Variants in OTOGL observed in about 807,000 individuals in gnomAD.
The protein encoded by OTOGL is otogelin like.
In OTOGL, 285 loss-of-function variants were observed where a neutral mutation model predicts 318.5. The observed-to-expected ratio is 0.89, with a 90% confidence interval of 0.81 to 0.99. OTOGL has a LOEUF of 0.99. Among genes scored for constraint, OTOGL ranks in the 50% least tolerant of loss-of-function variants. The probability of loss-of-function intolerance (pLI) is 0.00; values close to 1 mark genes in which losing one functional copy is unlikely to be tolerated. For missense variants in OTOGL, 2,899 were observed against 2,845.6 expected, an observed-to-expected ratio of 1.02 and a Z score of -0.43; for synonymous variants, 987 against 936.5, an observed-to-expected ratio of 1.05 and a Z score of -0.99.
At chr12:80,145,688 G>T (rs1455098805) in intron 1 of OTOGL, among the ~76,000 whole-genome samples, 1 of 151,892 alleles carries the variant, frequency 6.6e-6, no homozygotes, top group Non-Finnish European at 1.5e-5. Context: ...TCCTACCCAT[G>T]AGCATGGAAT....
intron 35 of OTOGL, among the ~76,000 whole-genome samples, chr12:80,327,273 A>G (rs912858731): frequency 6.6e-6 from 1 of 152,152 alleles, no homozygotes; most frequent in African/African-American, 2.4e-5. Context: ...GGCCCACAAC[A>G]TGGCCTCTTG....
chr12:80,251,783 T>G lies in OTOGL; in HGVS notation c.1143T>G (p.Asp381Glu). 1 of 1,581,346 alleles carries G rather than the reference T, an allele frequency of 6.3e-7. No individual in the cohort carries two copies. Among genetic ancestry groups the G allele is most frequent in the Non-Finnish European group, 8.6e-7 (1 of 1,162,028 alleles). The part of the protein sequence containing the change: ...HAGYPIQDWR[D>E]DFPACTDKCD... ...GCTACCCTATTCAAGACTGGAGAGA[T>G]GACTTTCCAGCATGCAGTATGTTTT... The change falls in exon 12 of 59, where the codon GAT becomes GAG. Residue 381 changes from aspartate (D) to glutamate (E), a missense_variant. By Grantham distance (45) the Asp-to-Glu change is conservative (BLOSUM62 2). Transcript: ENST00000547103.
At chr12:80,305,006 G>A (rs2137749542) in intron 28 of OTOGL, among the ~76,000 whole-genome samples, 1 of 152,244 alleles carries the variant, frequency 6.6e-6, no homozygotes, top group South Asian at 2.1e-4. Context: ...TTCAGACAGA[G>A]GCCACTACTA....
intron 44 of OTOGL, among the ~76,000 whole-genome samples, chr12:80,343,944 A>G (rs919459911): frequency 1.3e-5 from 2 of 152,170 alleles, no homozygotes; most frequent in African/African-American, 2.4e-5. Context: ...TGCAACATCT[A>G]TGAAGGGAAG....
chr12:80,162,355 G>A lies in OTOGL; in HGVS notation c.-19-47058G>A, dbSNP rs572494410. On this transcript the variant is annotated intron_variant, in intron 1 of 58. Coordinates refer to ENST00000547103, the MANE Select transcript of OTOGL (RefSeq NM_001378609.3). ...TTATAGGCAAATGCAGTTTTCAAAT[G>A]TACAACTAGTTCCTTTTTATTAAGT... Among the ~76,000 whole-genome samples the A allele has an allele frequency of 3.3e-5, 5 of 152,240 alleles. No homozygotes were observed. In the South Asian group the frequency reaches 1.0e-3, roughly 32 times the overall value.
At chr12:80,268,645 C>T (rs954518642) in intron 22 of OTOGL, among the ~76,000 whole-genome samples, 8 of 152,086 alleles carry the variant, frequency 5.3e-5, no homozygotes, top group African/African-American at 7.2e-5. Flanking sequence ...GAATCATTTT[C>T]GACTCTTTCC....
At chr12:80,376,557 A>G (rs1043554465) in intron 57 of OTOGL, among the ~76,000 whole-genome samples, 9 of 152,192 alleles carry the variant, frequency 5.9e-5, no homozygotes, top group African/African-American at 1.9e-4. Context: ...ATTTGAAATT[A>G]TAAAAGACCA....
intron 23 of OTOGL, among the ~76,000 whole-genome samples, chr12:80,271,157 G>T (rs1267530273): frequency 6.6e-6 from 1 of 152,058 alleles, no homozygotes; most frequent in Non-Finnish European, 1.5e-5. Context: ...AAGCCCAGGT[G>T]GCTAGCCTTC....
intron 1 of OTOGL, among the ~76,000 whole-genome samples, chr12:80,198,182 G>T (rs1458415861): frequency 6.6e-6 from 1 of 152,154 alleles, no homozygotes; most frequent in Non-Finnish European, 1.5e-5. Flanking sequence ...TGGAGTAGAA[G>T]CTTTTTCAGA....
intron 19 of OTOGL, among the ~76,000 whole-genome samples, chr12:80,264,145 A>G (rs1343575660): frequency 1.3e-5 from 2 of 152,152 alleles, no homozygotes; most frequent in African/African-American, 4.8e-5. Flanking sequence ...AAGATTGATT[A>G]ATTTTATCTG....
At position 80,186,741 on chromosome 12, in the gene OTOGL, C is replaced by G. The variant is rs190990291; in HGVS notation, c.-19-22672C>G. On this transcript the variant is annotated intron_variant, in intron 1 of 58. Coordinates refer to ENST00000547103, the MANE Select transcript of OTOGL (RefSeq NM_001378609.3). ...GGAGGTCTTATTAATCTGTGTTATC[C>G]CATGTAATAGAGTACAGTGCCTTGC... Among the ~76,000 whole-genome samples, 8 of 152,074 alleles carry G rather than the reference C, an allele frequency of 5.3e-5. No individual in the cohort carries two copies. In the East Asian group the frequency reaches 1.6e-3, roughly 30 times the overall value.
At chr12:80,320,782 C>A (rs1887283549) in intron 34 of OTOGL, 82 bp downstream of exon 34, 1 of 1,349,040 alleles carries the variant, frequency 7.4e-7, no homozygotes, top group Non-Finnish European at 9.8e-7. Context: ...ATTTAAAAAC[C>A]ATTCTTACTG....
intron 1 of OTOGL, among the ~76,000 whole-genome samples, chr12:80,185,250 T>G (rs891891553): frequency 6.6e-6 from 1 of 152,136 alleles, no homozygotes; most frequent in Admixed American, 6.6e-5. Flanking sequence ...GAGGTCAGGC[T>G]GCCTGGGTTA....
chr12:80,283,029 C>G (rs1176586607), intron 26 of OTOGL, among the ~76,000 whole-genome samples: 1 of 151,908 alleles, frequency 6.6e-6, no homozygotes, highest in Non-Finnish European at 1.5e-5. Context: ...TTGAAGTGGA[C>G]ATCTGTTTGT....
intron 16 of OTOGL, among the ~76,000 whole-genome samples, chr12:80,255,486 G>T (rs550434205): frequency 6.6e-6 from 1 of 151,804 alleles, no homozygotes; most frequent in Non-Finnish European, 1.5e-5. Context: ...AAAGTAGTAC[G>T]TATAGTTTTT....
At chr12:80,369,241 C>A (rs920110556) in intron 55 of OTOGL, among the ~76,000 whole-genome samples, 26 of 152,028 alleles carry the variant, frequency 1.7e-4, no homozygotes, top group African/African-American at 5.8e-4. Flanking sequence ...ATCCAATGAG[C>A]TTATTATGTT....
rs11114346 is a variant in OTOGL at position 80,175,357 on chromosome 12, G to A, written c.-19-34056G>A. 6.1e-4 allele frequency among the ~76,000 whole-genome samples: 93 copies of A among 152,238 alleles called. 1 individual carries two copies. The highest frequency in any genetic ancestry group is 2.1e-3 in the African/African-American group (89 of 41,558). ...TAATAGTGGCATATTAAGATGACTC[G>A]AAATTACATAATATAAAGCAAAAAC... On this transcript the variant is annotated intron_variant, in intron 1 of 58. Coordinates refer to ENST00000547103, the MANE Select transcript of OTOGL (RefSeq NM_001378609.3).
chr12:80,268,007 G>T (rs893656552), intron 22 of OTOGL, among the ~76,000 whole-genome samples: 1 of 151,612 alleles, frequency 6.6e-6, no homozygotes, highest in Non-Finnish European at 1.5e-5. Flanking sequence ...TTTGAAAAAT[G>T]TCCTGCACAG....
intron 18 of OTOGL, among the ~76,000 whole-genome samples, chr12:80,260,113 G>T (rs1173400349): frequency 1.3e-5 from 2 of 152,078 alleles, no homozygotes; most frequent in East Asian, 3.9e-4. Context: ...ACATATAGTG[G>T]ACAGTTAATT....
Sources: allele counts gnomAD v4.1 joint callset (sites outside exome capture counted in the v4.1 genomes callset), GRCh38; gene constraint gnomAD v4.1.1; transcripts MANE v1.5; gene names NCBI Gene and HGNC (gene_info 2026-07-23, HGNC 2026-07-21).